DMD: variants seen among roughly 807,000 people sequenced by gnomAD.
DMD encodes the protein dystrophin, also known as mutant dystrophin.
DMD carries 63 observed loss-of-function variants against 330.1 expected under a neutral mutation model. The ratio of observed to expected loss-of-function variants is 0.19; its 90% confidence interval spans 0.16 to 0.24. DMD has a LOEUF of 0.24. Ranked by LOEUF, DMD falls within the 10% of genes least tolerant of loss-of-function variation. The pLI is 1.00. For missense variants in DMD, 3,344 were observed against 2,684.1 expected (o/e 1.25, Z -5.43); for synonymous variants, 1,223 against 959.8 (o/e 1.27, Z -5.07).
intron 29 of DMD, among the ~76,000 whole-genome samples, chrX:32,428,071 C>T (rs768646703): frequency 1.8e-5 from 2 of 110,310 alleles, no homozygotes; most frequent in South Asian, 7.6e-4. Flanking sequence ...TTATTTATTT[C>T]TGCTCTTGAA....
At chrX:31,850,809 G>A (rs537278691) in intron 48 of DMD, among the ~76,000 whole-genome samples, 225 of 112,444 alleles carry the variant, frequency 2.0e-3, no homozygotes, top group African/African-American at 6.9e-3. Context: ...ACTGCAGCAA[G>A]AGCTGACAAT....
intron 60 of DMD, among the ~76,000 whole-genome samples, chrX:31,364,950 C>T (rs1470724958): frequency 1.8e-5 from 2 of 109,668 alleles, no homozygotes; most frequent in African/African-American, 3.3e-5. Flanking sequence ...AAAAAATTAG[C>T]CAGGCGTGGT....
intron 29 of DMD, among the ~76,000 whole-genome samples, chrX:32,414,943 A>G (rs1438253849): frequency 1.8e-5 from 2 of 112,002 alleles, no homozygotes; most frequent in East Asian, 2.8e-4. Context: ...ACTATTTCAG[A>G]TAACAGTGTT....
intron 21 of DMD, among the ~76,000 whole-genome samples, chrX:32,475,520 A>G (rs80013974): frequency 9.0e-6 from 1 of 111,573 alleles, no homozygotes; most frequent in African/African-American, 3.3e-5. Flanking sequence ...TGTGTCATCT[A>G]TGATTTCTTT....
intron 1 of DMD, among the ~76,000 whole-genome samples, chrX:33,046,427 G>A (rs1166183079): frequency 9.0e-6 from 1 of 111,579 alleles, no homozygotes; most frequent in African/African-American, 3.3e-5. Context: ...ATGTAAATGT[G>A]CTCCCCAAAA....
At chrX:32,491,544 T>C (rs2148633043) in intron 19 of DMD, 26 bp from the exon 20 acceptor site, 1 of 1,188,624 alleles carries the variant, frequency 8.4e-7, no homozygotes, top group Non-Finnish European at 1.1e-6. Flanking sequence ...TAATTAAATA[T>C]ATCCCCTGAA....
At chrX:32,973,392 T>C (rs1035291915) in intron 2 of DMD, among the ~76,000 whole-genome samples, 1 of 112,161 alleles carries the variant, frequency 8.9e-6, no homozygotes, top group African/African-American at 3.2e-5. Context: ...CTGGGTGAGT[T>C]TGTAACTACT....
intron 16 of DMD, among the ~76,000 whole-genome samples, chrX:32,546,845 T>G (rs2049013112): frequency 9.0e-6 from 1 of 111,314 alleles, no homozygotes; most frequent in Non-Finnish European, 1.9e-5. Flanking sequence ...GCAACATAGC[T>G]CTAAAAAAAG....
At chrX:32,637,221 GA>G (rs1034864672) in intron 11 of DMD, among the ~76,000 whole-genome samples, 1 of 111,535 alleles carries the variant, frequency 9.0e-6, no homozygotes, top group African/African-American at 3.3e-5. Context: ...CATTTATGTG[GA>G]AATAGAAGCT....
chrX:32,655,759 A>G (rs2060520492), intron 9 of DMD, among the ~76,000 whole-genome samples: 1 of 111,255 alleles, frequency 9.0e-6, no homozygotes, highest in African/African-American at 3.3e-5. Flanking sequence ...TCCCATTATT[A>G]ACGTGTGGGA....
chrX:33,098,082 C>T (rs776991769), intron 1 of DMD, among the ~76,000 whole-genome samples: 3 of 111,834 alleles, frequency 2.7e-5, no homozygotes, highest in Non-Finnish European at 5.6e-5. Context: ...TTACTCTGGT[C>T]TGCTAGTATG....
intron 55 of DMD, among the ~76,000 whole-genome samples, chrX:31,510,700 A>C (rs773950792): frequency 9.2e-6 from 1 of 108,896 alleles, no homozygotes. Context: ...TAGTAGAAAC[A>C]GGGTTTCACC....
intron 13 of DMD, among the ~76,000 whole-genome samples, chrX:32,576,308 C>A (rs1325875600): frequency 9.0e-6 from 1 of 111,235 alleles, no homozygotes; most frequent in African/African-American, 3.3e-5. Context: ...CCCCAGCATG[C>A]GATTTTTTTC....
intron 2 of DMD, among the ~76,000 whole-genome samples, chrX:32,889,235 T>G: frequency 9.0e-6 from 1 of 111,220 alleles, no homozygotes; most frequent in Non-Finnish European, 1.9e-5. Flanking sequence ...CCCAGGCACT[T>G]CAGCAGGATA....
intron 11 of DMD, among the ~76,000 whole-genome samples, chrX:32,636,114 G>A (rs942907144): frequency 4.5e-5 from 5 of 111,923 alleles, no homozygotes; most frequent in Non-Finnish European, 9.4e-5. Flanking sequence ...AGTGAGGCAA[G>A]GTCTGACAAA....
At chrX:31,612,834 G>T (rs2077999814) in intron 55 of DMD, among the ~76,000 whole-genome samples, 1 of 112,265 alleles carries the variant, frequency 8.9e-6, no homozygotes, top group Non-Finnish European at 1.9e-5. Context: ...TATAGTTACT[G>T]TCATGAGCAT....
chrX:31,774,221 GA>G (rs771611294), intron 50 of DMD, 29 bp from the exon 51 acceptor site: 2 of 1,053,638 alleles, frequency 1.9e-6, no homozygotes, highest in South Asian at 4.0e-5. Context: ...TTGCAAAAAG[GA>G]AAAAAGAAGA....
chrX:31,791,866 T>G (rs993827532), intron 50 of DMD, among the ~76,000 whole-genome samples: 1 of 112,064 alleles, frequency 8.9e-6, no homozygotes, highest in Admixed American at 9.5e-5. Context: ...TTATTTGCTA[T>G]CTCAATTGTA....
chrX:33,126,195 T>A (rs938094653), intron 1 of DMD, among the ~76,000 whole-genome samples: 1 of 112,181 alleles, frequency 8.9e-6, no homozygotes, highest in Non-Finnish European at 1.9e-5. Flanking sequence ...TAATATTTTA[T>A]TCAATATTTT....
Sources: gnomAD v4.1 joint callset for allele counts (sites outside exome capture counted in the v4.1 genomes callset) on GRCh38, gnomAD v4.1.1 for gene constraint, MANE v1.5 for transcripts, NCBI Gene and HGNC (gene_info 2026-07-23, HGNC 2026-07-21) for gene names.